LACTBL1: variants seen among roughly 807,000 people sequenced by gnomAD.
LACTBL1 encodes beta-lactamase-like protein 1.
A neutral mutation model predicts 39.6 loss-of-function variants in LACTBL1; 29 were observed. The observed-to-expected ratio is 0.73, with a 90% CI of 0.55 to 1.00. The LOEUF (loss-of-function observed/expected upper bound fraction) is 1.00, where lower values mean the gene tolerates loss of function less well. Ranked by LOEUF, LACTBL1 falls within the 50% of genes least tolerant of loss-of-function variation. The pLI is 0.00. For missense variants in LACTBL1, 711 were observed against 748.5 expected (o/e 0.95, Z 0.59); for synonymous variants, 361 against 360.7 (o/e 1.00, Z -0.01).
chr1:22,961,395 G>A (rs371999497), intron 2 of LACTBL1, among the ~76,000 whole-genome samples: 20 of 151,924 alleles, frequency 1.3e-4, no homozygotes, highest in Admixed American at 2.6e-4. Context: ...CCAGAGTCTC[G>A]CTCTGTCACC....
chr1:22,955,868 G>T (rs1438303042), intron 4 of LACTBL1, among the ~76,000 whole-genome samples: 1 of 151,902 alleles, frequency 6.6e-6, no homozygotes, highest in Non-Finnish European at 1.5e-5. Flanking sequence ...TCAAGACCAC[G>T]CTGGCCAACA....
the LACTBL1 span, chr1:22,972,448 G>A: frequency 2.0e-6 from 2 of 985,162 alleles, no homozygotes; most frequent in Non-Finnish European, 1.2e-6. Context: ...AAAGAGGAGG[G>A]GGACAGAGAA....
At chr1:22,970,379 T>G in the LACTBL1 span, among the ~76,000 whole-genome samples, 1 of 152,086 alleles carries the variant, frequency 6.6e-6, no homozygotes, top group Non-Finnish European at 1.5e-5. Context: ...AGAATACAAC[T>G]CATAGAACAT....
At chr1:22,953,479 T>A in exon 6 of LACTBL1, 1 of 1,230,184 alleles carries the variant, frequency 8.1e-7, no homozygotes, top group Non-Finnish European at 1.0e-6. Flanking sequence ...GAGCTCATCG[T>A]AGGCCCGCGC....
At chr1:22,963,434 C>G (rs1431738080) in intron 1 of LACTBL1, among the ~76,000 whole-genome samples, 1 of 152,144 alleles carries the variant, frequency 6.6e-6, no homozygotes, top group African/African-American at 2.4e-5. Context: ...GGCCACAGCT[C>G]CTGGTTGGTG....
exon 6 of LACTBL1, chr1:22,953,837 G>A: frequency 6.5e-7 from 1 of 1,547,980 alleles, no homozygotes; most frequent in Non-Finnish European, 8.7e-7. Flanking sequence ...AGTGGCGCCG[G>A]CCGCCCGCTG....
the LACTBL1 span, chr1:22,972,471 A>C: frequency 2.0e-6 from 2 of 983,868 alleles, no homozygotes; most frequent in Non-Finnish European, 2.4e-6. Flanking sequence ...GCTAGAAAAC[A>C]AGGAGGGTAG....
exon 6 of LACTBL1, chr1:22,953,321 G>T: frequency 8.2e-7 from 1 of 1,225,710 alleles, no homozygotes; most frequent in Non-Finnish European, 1.0e-6. Flanking sequence ...GGCCCGAACT[G>T]GCGCAGGCGC....
chr1:22,958,851 G>T, exon 4 of LACTBL1: 1 of 1,550,608 alleles, frequency 6.4e-7, no homozygotes, highest in Non-Finnish European at 8.7e-7. Context: ...CATCTAGGGA[G>T]GCCACGATGC....
exon 5 of LACTBL1, chr1:22,955,363 T>C (rs774487593): frequency 1.9e-6 from 3 of 1,550,348 alleles, no homozygotes; most frequent in East Asian, 2.4e-5. Context: ...CTTGAGCAGG[T>C]TCAGGGCCTC....
intron 2 of LACTBL1, among the ~76,000 whole-genome samples, chr1:22,961,220 G>A (rs543450621): frequency 3.3e-5 from 5 of 152,328 alleles, no homozygotes; most frequent in African/African-American, 1.2e-4. Context: ...TCATCCTCGT[G>A]AGTCAGTGCT....
At chr1:22,972,463 TA>T in the LACTBL1 span, 1 of 984,634 alleles carries the variant, frequency 1.0e-6, no homozygotes, top group South Asian at 4.7e-5. Flanking sequence ...AGAGAAAAGC[TA>T]GAAAACAAGG....
At chr1:22,968,064 T>A (rs144985475), upstream of LACTBL1, among the ~76,000 whole-genome samples, 1 of 152,232 alleles carries the variant, frequency 6.6e-6, no homozygotes, top group Non-Finnish European at 1.5e-5. Context: ...TCTTTTACTA[T>A]GTGTTTATGT....
intron 4 of LACTBL1, among the ~76,000 whole-genome samples, chr1:22,955,791 G>A (rs958921653): frequency 9.2e-5 from 14 of 152,140 alleles, no homozygotes; most frequent in African/African-American, 1.9e-4. Context: ...GGCCGGGCGC[G>A]GTGGCTCACA....
rs957227137 is a variant in LACTBL1 at position 22,958,559 on chromosome 1, G to A, written c.553+126C>T. 2.6e-5 allele frequency: 19 copies of A among 725,974 alleles called. No individual in the cohort carries two copies. The African/African-American group carries it at 3.2e-4, about 12-fold the overall frequency. 45.0% of individuals were successfully genotyped at this position (725,974 alleles called of 1,614,324 possible). On this transcript the variant is annotated intron_variant, in intron 4 of 5. Transcript: ENST00000426928. ...CTGGCCCACCACCCACATCCCATGA[G>A]AGGGACGTAGGGCCAGTTCAGGAAG... is the stretch of plus-strand genomic sequence containing the variant.
intron 4 of LACTBL1, 30 bp from the exon 7 acceptor site, chr1:22,955,456 G>T: frequency 6.7e-7 from 1 of 1,490,376 alleles, no homozygotes; most frequent in Non-Finnish European, 9.1e-7. Context: ...AGACTTACCG[G>T]GCCCGGCTGA....
the LACTBL1 span, among the ~76,000 whole-genome samples, chr1:22,970,448 G>A: frequency 1.3e-5 from 2 of 152,210 alleles, no homozygotes; most frequent in African/African-American, 4.8e-5. Context: ...TGGAGGTAGG[G>A]ATGAGGTAGA....
chr1:22,972,491 CG>C, the LACTBL1 span: 2 of 946,268 alleles, frequency 2.1e-6, no homozygotes, highest in African/African-American at 3.5e-5. Flanking sequence ...GACGAGGATG[CG>C]GGGGATCAAA....
chr1:22,966,299 G>T (rs968733660), upstream of LACTBL1, among the ~76,000 whole-genome samples: 32 of 152,196 alleles, frequency 2.1e-4, no homozygotes, highest in African/African-American at 7.7e-4. Flanking sequence ...ACTCTTTCCT[G>T]CCTTTTGGAG....
Sources: gnomAD v4.1 joint callset for allele counts (sites outside exome capture counted in the v4.1 genomes callset) on GRCh38, gnomAD v4.1.1 for gene constraint, MANE v1.5 for transcripts, NCBI Gene and HGNC (gene_info 2026-07-23, HGNC 2026-07-21) for gene names.